SPTLC2: variants seen among roughly 807,000 people sequenced by gnomAD.
SPTLC2 encodes serine palmitoyltransferase long chain base subunit 2.
In SPTLC2, 21 loss-of-function variants were observed where a neutral mutation model predicts 62.0. The observed-to-expected ratio is 0.34, with a 90% CI of 0.24 to 0.49. The LOEUF (loss-of-function observed/expected upper bound fraction) is 0.49, where lower values mean the gene tolerates loss of function less well. SPTLC2 is among the 20% of genes least tolerant of loss of function. The pLI is 0.99. For synonymous variants in SPTLC2, 261 were observed against 261.8 expected (o/e 1.00, Z 0.03); for missense variants, 511 against 713.0 (o/e 0.72, Z 3.23).
intron 2 of SPTLC2, among the ~76,000 whole-genome samples, chr14:77,588,996 C>CAAAA (rs60536883): frequency 8.2e-4 from 61 of 74,608 alleles, no homozygotes; most frequent in Non-Finnish European, 1.3e-3. Flanking sequence ...GACCTTGTCT[C>CAAAA]AAAAAAAAAA....
Position 77,507,813 on chromosome 14 carries a change from CT to C in SPTLC2, c.*4470del, listed in dbSNP as rs375443235. On this transcript the variant is annotated 3_prime_UTR_variant, in exon 12 of 12. Transcript: ENST00000216484. ...CTGAAAAAAAAAATCCCTGTAAGTT[CT>C]TGGCTTAGTAGCCAAAAAATAATCT... The C allele has an allele frequency of 4.8e-4, 73 of 152,308 alleles. No individual in the cohort carries two copies. The highest frequency in any genetic ancestry group is 1.7e-3 in the African/African-American group (71 of 41,578). The allele number at this position is 152,308 out of a possible 1,614,324, so 9.4% of individuals were successfully genotyped here.
Position 77,555,287 on chromosome 14 carries a change from A to G in SPTLC2, c.1176+13T>C, listed in dbSNP as rs2079576472. On this transcript the variant is annotated intron_variant, in intron 8 of 11. Transcript: ENST00000216484. ...ACTTTATCTCTAATCGCTCATTCTC[A>G]TGGCTCGTTTACCTTCTTGCCTCCA... is the stretch of plus-strand genomic sequence containing the variant. 6.2e-7 allele frequency: 1 copy of G among 1,614,072 alleles called. No homozygotes were observed. The highest frequency in any genetic ancestry group is 8.5e-7 in the Non-Finnish European group (1 of 1,180,008).
intron 1 of SPTLC2, among the ~76,000 whole-genome samples, chr14:77,612,546 T>C (rs1239231017): frequency 6.6e-6 from 1 of 152,266 alleles, no homozygotes; most frequent in African/African-American, 2.4e-5. Flanking sequence ...CCTTCAGGTA[T>C]CTGAGGTATC....
Position 77,564,400 on chromosome 14 carries a change from TACACACACACACAC to T in SPTLC2, c.757-1925_757-1912del, listed in dbSNP as rs6145397. ...TGGCTTTCAAATCTTTATGCATGCA[TACACACACACACAC>T]ACACACACACACACACACACACACA... On this transcript the variant is annotated intron_variant, in intron 5 of 11. Transcript: ENST00000216484. 7.6e-3 allele frequency among the ~76,000 whole-genome samples: 1,058 copies of T among 139,388 alleles called. 7 individuals are homozygous for T. Among genetic ancestry groups the T allele is most frequent in the South Asian group, 0.014 (59 of 4,118 alleles). 91.4% of individuals were successfully genotyped at this position (139,388 alleles called of 152,430 possible).
intron 9 of SPTLC2, among the ~76,000 whole-genome samples, chr14:77,532,311 A>T (rs1228506561): frequency 1.3e-5 from 2 of 152,174 alleles, no homozygotes; most frequent in Non-Finnish European, 2.9e-5. Context: ...CACGTGAATG[A>T]ATACACAGAA....
intron 10 of SPTLC2, among the ~76,000 whole-genome samples, chr14:77,518,491 G>A (rs905033100): frequency 6.6e-6 from 1 of 151,930 alleles, no homozygotes; most frequent in Non-Finnish European, 1.5e-5. Flanking sequence ...CAGCTACTCA[G>A]GAGGCTGAGG....
intron 9 of SPTLC2, among the ~76,000 whole-genome samples, chr14:77,530,979 ACACCGC>A (rs1173223323): frequency 1.3e-5 from 2 of 152,212 alleles, no homozygotes; most frequent in Non-Finnish European, 2.9e-5. Context: ...TTCTTCCCTA[ACACCGC>A]CTCCGCCACA....
In SPTLC2 at chr14:77,599,953, CCTAA is replaced by C. The variant is rs545640800; in HGVS notation, c.133-2577_133-2574del. Among the ~76,000 whole-genome samples, 5 of 152,182 alleles carry C rather than the reference CCTAA, an allele frequency of 3.3e-5. No homozygotes were observed. In the South Asian group the frequency reaches 1.0e-3, roughly 32 times the overall value. The stretch of plus-strand genomic sequence containing the variant: ...TGTTTAATACCAGTGCTGAACTCTC[CCTAA>C]CTATGAAATTATTTAAACTATTTAC... On this transcript the variant is annotated intron_variant, in intron 1 of 11. Coordinates refer to ENST00000216484, the MANE Select transcript of SPTLC2 (RefSeq NM_004863.4).
At chr14:77,535,269 G>T (rs1328675845) in intron 9 of SPTLC2, among the ~76,000 whole-genome samples, 1 of 152,168 alleles carries the variant, frequency 6.6e-6, no homozygotes, top group African/African-American at 2.4e-5. Context: ...GGAGCAAAAA[G>T]CACACCCAGC....
chr14:77,555,644 T>C, intron 7 of SPTLC2, 125 bp from the exon 8 acceptor site: 1 of 972,878 alleles, frequency 1.0e-6, no homozygotes, highest in Non-Finnish European at 1.5e-6. Context: ...GGGACAGAGT[T>C]TTGCTCCATT....
intron 5 of SPTLC2, among the ~76,000 whole-genome samples, chr14:77,570,147 C>G (rs1371125554): frequency 6.9e-6 from 1 of 145,842 alleles, no homozygotes; most frequent in Non-Finnish European, 1.5e-5. Flanking sequence ...CGCTTGAATC[C>G]AAGAGACAGA....
chr14:77,614,006 G>C (rs1157268300), intron 1 of SPTLC2, among the ~76,000 whole-genome samples: 1 of 152,194 alleles, frequency 6.6e-6, no homozygotes, highest in Non-Finnish European at 1.5e-5. Flanking sequence ...TAAAAATACT[G>C]GTGAGAAGTA....
chr14:77,508,374 G>T lies in SPTLC2; in HGVS notation c.*3910C>A, dbSNP rs544064694. 1 of 152,298 alleles carries T rather than the reference G, an allele frequency of 6.6e-6. No individual in the cohort carries two copies. Among genetic ancestry groups the T allele is most frequent in the Admixed American group, 6.5e-5 (1 of 15,302 alleles). 9.4% of individuals were successfully genotyped at this position (152,298 alleles called of 1,614,324 possible). On this transcript the variant is annotated 3_prime_UTR_variant, in exon 12 of 12. Transcript: ENST00000216484. Reference sequence around the variant, plus strand: ...AACACCAAGAGAGGAAAGATACCTTGGGAATTAGGTCATAGCAATGCTTCA... The same window carrying T: ...AACACCAAGAGAGGAAAGATACCTTTGGAATTAGGTCATAGCAATGCTTCA...
At chr14:77,574,862 A>G (rs994357254) in intron 4 of SPTLC2, among the ~76,000 whole-genome samples, 10 of 152,226 alleles carry the variant, frequency 6.6e-5, no homozygotes, top group African/African-American at 1.9e-4. Flanking sequence ...ACAGTATCCA[A>G]TGAATGCTAC....
chr14:77,536,022 A>G, intron 9 of SPTLC2: 2 of 441,490 alleles, frequency 4.5e-6, no homozygotes, highest in South Asian at 3.3e-5. Flanking sequence ...TAGGAAACAC[A>G]AAAGAAAAAG....
chr14:77,561,573 T>C (rs2079615108), intron 6 of SPTLC2, among the ~76,000 whole-genome samples: 1 of 150,124 alleles, frequency 6.7e-6, no homozygotes, highest in Non-Finnish European at 1.5e-5. Flanking sequence ...ATTGAGCCAC[T>C]GCACTCCAGC....
intron 1 of SPTLC2, among the ~76,000 whole-genome samples, chr14:77,610,771 T>C (rs1288375797): frequency 1.3e-5 from 2 of 150,688 alleles, no homozygotes; most frequent in African/African-American, 4.9e-5. Context: ...GGTGGCTGGG[T>C]GCGGTGGCTC....
intron 6 of SPTLC2, among the ~76,000 whole-genome samples, chr14:77,560,213 C>A (rs1055686612): frequency 2.0e-5 from 3 of 152,166 alleles, no homozygotes; most frequent in African/African-American, 7.2e-5. Flanking sequence ...AAGATGCAAG[C>A]ATGTGTATGT....
intron 2 of SPTLC2, among the ~76,000 whole-genome samples, chr14:77,585,624 C>T (rs969452402): frequency 2.6e-5 from 4 of 152,036 alleles, no homozygotes; most frequent in African/African-American, 7.3e-5. Context: ...ATTTAAAGTT[C>T]GACCCTTGAC....
Sources: allele counts gnomAD v4.1 joint callset (sites outside exome capture counted in the v4.1 genomes callset), GRCh38; gene constraint gnomAD v4.1.1; transcripts MANE v1.5; gene names NCBI Gene and HGNC (gene_info 2026-07-23, HGNC 2026-07-21).